Variants in RNF166 observed in about 807,000 individuals in gnomAD.
RNF166 encodes ring finger protein 166.
A neutral mutation model predicts 29.4 loss-of-function variants in RNF166; 19 were observed. The observed-to-expected ratio is 0.65, with a 90% CI of 0.45 to 0.95. The LOEUF (loss-of-function observed/expected upper bound fraction) is 0.95. Among genes scored for constraint, RNF166 ranks in the 40% least tolerant of loss-of-function variants. RNF166 has a pLI of 0.00. For synonymous variants in RNF166, 171 were observed against 134.5 expected, an observed-to-expected ratio of 1.27 and a Z score of -1.88; for missense variants, 347 against 322.1, an observed-to-expected ratio of 1.08 and a Z score of -0.59.
chr16:88,697,027 T>C lies in RNF166; in HGVS notation c.*541A>G, dbSNP rs1450967059. On this transcript the variant is annotated 3_prime_UTR_variant, in exon 6 of 6. Transcript: ENST00000312838. ...TCCTAGTCAAACACAGATATTGCAA[T>C]ATGAAGAGTAACTGCTCTGTCTTTG... The C allele has an allele frequency of 1.6e-5, 3 of 186,138 alleles. No homozygotes were observed. The highest frequency in any genetic ancestry group is 3.4e-5 in the Non-Finnish European group (3 of 88,576). The allele number at this position is 186,138 out of a possible 1,614,324, so 11.5% of individuals were successfully genotyped here.
intron 4 of RNF166, 137 bp downstream of exon 4, chr16:88,698,834 A>G (rs1909906917): frequency 1.3e-6 from 1 of 741,034 alleles, no homozygotes; most frequent in Non-Finnish European, 2.2e-6. Context: ...TCGGGCAGCC[A>G]AGTTCCCACC....
At chr16:88,698,860 C>T (rs1198596589) in intron 4 of RNF166, 111 bp downstream of exon 4, 3 of 857,380 alleles carry the variant, frequency 3.5e-6, no homozygotes, top group Non-Finnish European at 5.6e-6. Flanking sequence ...TCCCAGGAGG[C>T]CTTTGTGGCC....
intron 1 of RNF166, chr16:88,704,169 C>G (rs877578): frequency 1.0e-6 from 1 of 985,308 alleles, no homozygotes; most frequent in African/African-American, 1.7e-5. Context: ...CAGAACCAGA[C>G]CAGCAACAAA....
intron 3 of RNF166, 151 bp downstream of exon 3, chr16:88,699,469 C>T (rs886242060): frequency 1.6e-6 from 1 of 636,304 alleles, no homozygotes; most frequent in Non-Finnish European, 2.7e-6. Context: ...CAGGAGCCTT[C>T]CTGCAGGGTG....
At chr16:88,704,270 A>G in intron 1 of RNF166, 5 of 985,478 alleles carry the variant, frequency 5.1e-6, no homozygotes, top group Non-Finnish European at 6.0e-6. Flanking sequence ...AGTTAGAAGC[A>G]GAGAGAGAAC....
Position 88,701,385 on chromosome 16 carries a change from C to T in RNF166, c.189G>A (p.Gln63=), listed in dbSNP as rs1402338307. The change falls in exon 2 of 6, where the codon CAG becomes CAA. Residue 63 remains glutamine, a synonymous_variant. Coordinates refer to ENST00000312838, the MANE Select transcript of RNF166 (RefSeq NM_178841.4). ...AGAGTGGGCACAGCGGGGATGGCAC[C>T]TGCAGGCAGGGCTGGAGACACTCCC... ...FCGECLQPCL[Q]VPSPLCPLCR... is the part of the protein sequence containing the mutation. The T allele has an allele frequency of 1.2e-6, 2 of 1,610,594 alleles. No homozygotes were observed. The highest frequency in any genetic ancestry group is 2.7e-5 in the African/African-American group (2 of 74,910).
In RNF166 at chr16:88,699,734, T is replaced by C. The variant is rs2142638293; in HGVS notation, c.313-2A>G. 1 of 1,611,218 alleles carries C rather than the reference T, an allele frequency of 6.2e-7. No individual in the cohort carries two copies. The highest frequency in any genetic ancestry group is 1.3e-5 in the African/African-American group (1 of 75,016). Reference sequence around the variant, plus strand: ...CACTCTCATCTTTGCCAGGGTCACCTAGGAGACAGGGCAGGGAGGGCAAGG... The same window carrying C: ...CACTCTCATCTTTGCCAGGGTCACCCAGGAGACAGGGCAGGGAGGGCAAGG... On this transcript the variant is annotated splice_acceptor_variant, in intron 2 of 5. Coordinates refer to ENST00000312838, the MANE Select transcript of RNF166 (RefSeq NM_178841.4). LOFTEE classifies it high-confidence loss of function.
rs1322165155 is a variant in RNF166 at position 88,699,693 on chromosome 16, G to A, written c.352C>T (p.Leu118=). 6.2e-7 allele frequency: 1 copy of A among 1,613,378 alleles called. No individual in the cohort carries two copies. Among genetic ancestry groups the A allele is most frequent in the South Asian group, 1.1e-5 (1 of 91,068 alleles). ...TTGGCCATCTGCTCCTGGACCTTCA[G>A]GCAGGACGAAATGTGCACTCTCATC... The part of the protein sequence containing the change: ...AKMRVHISSC[L]KVQEQMANCP... The change falls in exon 3 of 6, where the codon CTG becomes TTG. Residue 118 remains leucine (L), a synonymous_variant. Transcript: ENST00000312838.
rs528897801 is a variant in RNF166, at chr16:88,696,664, G to A, written c.*904C>T. ...CTGGGGTGCCGTCCCCTCCCGCAGC[G>A]GGGCACAGTCAGCTTTGAAGGTGAC... On this transcript the variant is annotated 3_prime_UTR_variant, in exon 6 of 6. Transcript: ENST00000312838. The A allele has an allele frequency of 1.6e-5, 7 of 440,096 alleles. No homozygotes were observed. The highest frequency in any genetic ancestry group is 3.3e-5 in the South Asian group (2 of 61,372). 27.3% of individuals were successfully genotyped at this position (440,096 alleles called of 1,614,324 possible). A position where few individuals can be genotyped will look rare whatever the true frequency, so the allele number is the denominator to read the frequency against.
At position 88,699,818 on chromosome 16, in the gene RNF166, C is replaced by A. The variant is rs181342494; in HGVS notation, c.313-86G>T. 3.4e-6 allele frequency: 3 copies of A among 882,240 alleles called. No individual in the cohort carries two copies. In the South Asian group the frequency reaches 5.0e-5, roughly 15 times the overall value. The allele number at this position is 882,240 out of a possible 1,614,324, so 54.7% of individuals were successfully genotyped here. On this transcript the variant is annotated intron_variant, in intron 2 of 5. Transcript: ENST00000312838. The stretch of plus-strand genomic sequence containing the variant: ...AGGCCGAGACCTCAGGTGTCCAGGA[C>A]CAGAGAACTGTAAGCAAGCGTCTGT...
At chr16:88,704,158 A>C in intron 1 of RNF166, 1 of 985,452 alleles carries the variant, frequency 1.0e-6, no homozygotes, top group African/African-American at 1.7e-5. Context: ...TGCGGAGGGG[A>C]CAGAACCAGA....
intron 5 of RNF166, 42 bp downstream of exon 5, chr16:88,698,460 T>G: frequency 1.4e-6 from 2 of 1,446,858 alleles, no homozygotes; most frequent in Non-Finnish European, 1.9e-6. Context: ...GGAGGGTGGA[T>G]GAGGAGGGCG....
At position 88,697,357 on chromosome 16, in the gene RNF166, C is replaced by T. The variant is rs1002735257; in HGVS notation, c.*211G>A. On this transcript the variant is annotated 3_prime_UTR_variant, in exon 6 of 6. Transcript: ENST00000312838. Reference sequence around the variant, plus strand: ...CCAGAAGCACCGAAGAACCCAGCGACGCCGGTGGGACCAGGCGGCCCTGCT... The same window carrying T: ...CCAGAAGCACCGAAGAACCCAGCGATGCCGGTGGGACCAGGCGGCCCTGCT... 2.1e-6 allele frequency: 1 copy of T among 473,922 alleles called. No homozygotes were observed. Among genetic ancestry groups the T allele is most frequent in the Non-Finnish European group, 3.8e-6 (1 of 262,416 alleles). 29.4% of individuals were successfully genotyped at this position (473,922 alleles called of 1,614,324 possible). A position where few individuals can be genotyped will look rare whatever the true frequency, so the allele number is the denominator to read the frequency against.
Position 88,699,665 on chromosome 16 carries a change from C to T in RNF166, c.380G>A (p.Cys127Tyr). ...CLKVQEQMAN[C>Y]PKFVPVVPTS... is the part of the protein sequence containing the mutation. ...GGGCACCACGGGGACGAACTTGGGG[C>T]AGTTGGCCATCTGCTCCTGGACCTT... The change falls in exon 3 of 6, where the codon TGC (cysteine) becomes TAC (tyrosine). Residue 127 changes from cysteine to tyrosine, a missense_variant. Coordinates refer to ENST00000312838, the MANE Select transcript of RNF166 (RefSeq NM_178841.4). 6.2e-7 allele frequency: 1 copy of T among 1,613,542 alleles called. No homozygotes were observed. Among genetic ancestry groups the T allele is most frequent in the Non-Finnish European group, 8.5e-7 (1 of 1,179,898 alleles).
intron 1 of RNF166, 43 bp from the exon 2 acceptor site, chr16:88,701,461 C>A (rs1343368121): frequency 4.0e-6 from 6 of 1,505,624 alleles, no homozygotes; most frequent in Non-Finnish European, 5.3e-6. Context: ...CCCCTCGGGT[C>A]TCCCGAACCG....
chr16:88,703,353 C>T (rs753317936), intron 1 of RNF166: 70 of 985,338 alleles, frequency 7.1e-5, no homozygotes, highest in Non-Finnish European at 7.8e-5. Context: ...CTGCACAGCA[C>T]GGCCACGGGC....
intron 1 of RNF166, among the ~76,000 whole-genome samples, chr16:88,702,499 G>A (rs145026546): frequency 2.6e-5 from 4 of 152,318 alleles, no homozygotes; most frequent in African/African-American, 9.6e-5. Flanking sequence ...AGTCCTCTTT[G>A]CTGTCAAGAG....
Position 88,706,287 on chromosome 16 carries a change from C to T in RNF166, c.39G>A (p.Gln13=), listed in dbSNP as rs1910796127. The stretch of plus-strand genomic sequence containing the variant: ...CCGCCGGCCCGGCCGGCGGCTGCCG[C>T]TGCTGAGCCGAGGCCACCAGGCTGC... ...MFRSLVASAQ[Q]RQPPAGPAGG... is the part of the protein sequence containing the mutation. The change falls in exon 1 of 6, where the codon CAG becomes CAA. Residue 13 remains glutamine (Q), a synonymous_variant. Transcript: ENST00000312838. The T allele has an allele frequency of 2.3e-6, 3 of 1,288,668 alleles. No homozygotes were observed. The highest frequency in any genetic ancestry group is 2.1e-5 in the South Asian group (1 of 47,840). The allele number at this position is 1,288,668 out of a possible 1,614,324, so 79.8% of individuals were successfully genotyped here.
At chr16:88,700,992 C>A in intron 2 of RNF166, 1 of 1,347,796 alleles carries the variant, frequency 7.4e-7, no homozygotes, top group Non-Finnish European at 9.6e-7. Context: ...CTGGCCACAA[C>A]CCACGTGGGT....
Sources: gnomAD v4.1 joint callset for allele counts (sites outside exome capture counted in the v4.1 genomes callset) on GRCh38, gnomAD v4.1.1 for gene constraint, MANE v1.5 for transcripts, NCBI Gene and HGNC (gene_info 2026-07-23, HGNC 2026-07-21) for gene names.